HELZ: variants seen among roughly 807,000 people sequenced by gnomAD.
HELZ encodes the protein ATP-dependent RNA helicase with zinc finger domain.
HELZ carries 23 observed loss-of-function variants against 218.2 expected under a neutral mutation model. That is an observed-to-expected ratio of 0.11 (90% CI 0.08 to 0.15). The LOEUF is 0.15. HELZ is among the 10% of genes least tolerant of loss of function. The pLI, the probability that HELZ is intolerant of heterozygous loss-of-function variation, is 1.00. For synonymous variants in HELZ, 814 were observed against 829.4 expected (o/e 0.98, Z 0.32); for missense variants, 1,813 against 2,353.7 (o/e 0.77, Z 4.75).
intron 12 of HELZ, among the ~76,000 whole-genome samples, chr17:67,180,775 G>A (rs1322783176): frequency 6.6e-6 from 1 of 151,910 alleles, no homozygotes; most frequent in Non-Finnish European, 1.5e-5. Context: ...CTACTCGGGA[G>A]GCTGAGGCCG....
At chr17:67,138,495 G>A (rs2038220982) in intron 21 of HELZ, among the ~76,000 whole-genome samples, 1 of 152,140 alleles carries the variant, frequency 6.6e-6, no homozygotes, top group Non-Finnish European at 1.5e-5. Flanking sequence ...ACTCTCTCCA[G>A]ATCAGGCCAA....
At chr17:67,078,896 T>A (rs1325816809) in intron 32 of HELZ, among the ~76,000 whole-genome samples, 1 of 152,262 alleles carries the variant, frequency 6.6e-6, no homozygotes, top group African/African-American at 2.4e-5. Flanking sequence ...ATATTTATTC[T>A]AGTAACTGCT....
chr17:67,148,143 C>T (rs558189770), intron 20 of HELZ, among the ~76,000 whole-genome samples: 2 of 152,156 alleles, frequency 1.3e-5, no homozygotes, highest in Non-Finnish European at 2.9e-5. Flanking sequence ...TGCTGGGGGG[C>T]CGGGAGGGGG....
chr17:67,166,513 G>C lies in HELZ; in HGVS notation c.1860C>G (p.Ile620Met), dbSNP rs773316998. 2 of 1,613,242 alleles carry C rather than the reference G, an allele frequency of 1.2e-6. No individual in the cohort carries two copies. The highest frequency in any genetic ancestry group is 3.3e-4 in the Middle Eastern group (2 of 6,056). The change falls in exon 15 of 33, where the codon ATC (isoleucine) becomes ATG (methionine). Residue 620 changes from isoleucine to methionine, a missense_variant. Ile to Met is a conservative substitution (Grantham distance 10). This residue lies in a region of HELZ where 714 missense variants were observed against 1,029.2 expected (regional missense o/e 0.69). Coordinates refer to ENST00000358691, the MANE Select transcript of HELZ (RefSeq NM_014877.4). ...IKDNGVLFPDISMTPTIPWSP... is the reference protein window; with the variant it reads ...IKDNGVLFPDMSMTPTIPWSP... ...TCCATGGTATGGTGGGAGTCATACT[G>C]ATGTCTGGAAACAAAACCCCATTGT...
chr17:67,123,632 A>G (rs147571649), intron 25 of HELZ, among the ~76,000 whole-genome samples: 56 of 152,326 alleles, frequency 3.7e-4, no homozygotes, highest in African/African-American at 1.2e-3. Flanking sequence ...TTATGATCTG[A>G]TATTTGTAGG....
chr17:67,204,407 A>G (rs998571397), intron 5 of HELZ, among the ~76,000 whole-genome samples: 5 of 152,166 alleles, frequency 3.3e-5, no homozygotes, highest in African/African-American at 1.2e-4. Context: ...ATCAATGTTC[A>G]CAACATTTTT....
rs1318576438 is a variant in HELZ at position 67,123,033 on chromosome 17, C to G, written c.3567G>C (p.Gly1189=). The G allele has an allele frequency of 2.5e-6, 4 of 1,613,604 alleles. No homozygotes were observed. The Admixed American group carries it at 6.7e-5, about 27-fold the overall frequency. Residue 1189 remains glycine, a synonymous_variant, in exon 26 of 33, where the codon GGG becomes GGC. Transcript: ENST00000358691. ...CAGCAGGTACATAAAGAATACTTGTCCCAGTGTGAGGATCTATTCTTTGAA... is the reference window on the plus strand; with the variant it reads ...CAGCAGGTACATAAAGAATACTTGTGCCAGTGTGAGGATCTATTCTTTGAA... The part of the protein sequence containing the change: ...SPVQRIDPHT[G]TSILYVPAVY...
rs577830022 is a variant in HELZ, at chr17:67,174,462, G to T, written c.1430+4197C>A. 1.6e-4 allele frequency among the ~76,000 whole-genome samples: 25 copies of T among 152,272 alleles called. 1 individual carries two copies. In the South Asian group the frequency reaches 5.2e-3, roughly 32 times the overall value. On this transcript the variant is annotated intron_variant, in intron 13 of 32. Transcript: ENST00000358691. Reference sequence around the variant, plus strand: ...TGCAACCCTTACCATCAAAATGTAAGAAACTAGTATGAAGCCCCTTGATAC... The same window carrying T: ...TGCAACCCTTACCATCAAAATGTAATAAACTAGTATGAAGCCCCTTGATAC...
intron 28 of HELZ, among the ~76,000 whole-genome samples, chr17:67,111,325 A>G (rs1452136559): frequency 1.3e-5 from 2 of 152,202 alleles, no homozygotes; most frequent in Non-Finnish European, 2.9e-5. Context: ...GAAAAATAAA[A>G]TATAAGATGG....
In HELZ at chr17:67,203,276, A is replaced by G. The variant is rs377186050; in HGVS notation, c.372+43T>C. 82 of 1,596,374 alleles carry G rather than the reference A, an allele frequency of 5.1e-5. No homozygotes were observed. In the African/African-American group the frequency reaches 9.4e-4, roughly 18 times the overall value. ...ACAATATACCTAAGGAATCAAATAA[A>G]AATTTGTTTTCAGGCATACAAAATT... On this transcript the variant is annotated intron_variant, in intron 6 of 32. Transcript: ENST00000358691.
chr17:67,190,818 C>A lies in HELZ; in HGVS notation c.558-463G>T, dbSNP rs532018408. Among the ~76,000 whole-genome samples, 132 of 152,318 alleles carry A rather than the reference C, an allele frequency of 8.7e-4. 1 individual carries two copies. In the South Asian group the frequency reaches 0.014, roughly 16 times the overall value. ...CTCTGCCTCCTGGTTTCAAGCAATT[C>A]TCTGCCTCAGCCTCCCGGGTAGCTG... On this transcript the variant is annotated intron_variant, in intron 9 of 32. Coordinates refer to ENST00000358691, the MANE Select transcript of HELZ (RefSeq NM_014877.4).
In HELZ at chr17:67,149,910, G is replaced by T. The variant is rs1392909895; in HGVS notation, c.2432C>A (p.Ala811Glu). 1 of 1,611,124 alleles carries T rather than the reference G, an allele frequency of 6.2e-7. No homozygotes were observed. The highest frequency in any genetic ancestry group is 8.5e-7 in the Non-Finnish European group (1 of 1,178,472). Residue 811 changes from alanine to glutamate, a missense_variant, in exon 19 of 33, where the codon GCA becomes GAA. Physicochemically the swap from Ala to Glu is moderately radical, Grantham distance 107 (BLOSUM62 -1). Around this residue, in one of 4 missense-constraint regions of HELZ, gnomAD observed 714 missense variants for 1,029.2 expected, o/e 0.69. Coordinates refer to ENST00000358691, the MANE Select transcript of HELZ (RefSeq NM_014877.4). Reference protein sequence around the residue: ...ECETIMPLALATQNTRIVLAG... With the variant: ...ECETIMPLALETQNTRIVLAG... ...CAAGACAATCCGAGTGTTTTGAGTT[G>T]CTAATGCTAGAGGCATAATGGTTTC...
intron 7 of HELZ, among the ~76,000 whole-genome samples, chr17:67,198,156 T>G (rs73330314): frequency 0.081 from 12,269 of 152,222 alleles, 1,631 homozygotes; most frequent in African/African-American, 0.27. Flanking sequence ...CAAAATAAAT[T>G]TATCAAATGT....
At chr17:67,104,127 G>C (rs1027715905) in intron 31 of HELZ, among the ~76,000 whole-genome samples, 1 of 152,068 alleles carries the variant, frequency 6.6e-6, no homozygotes, top group Non-Finnish European at 1.5e-5. Context: ...AAGTGTAAGA[G>C]GTAAAACTAT....
intron 5 of HELZ, among the ~76,000 whole-genome samples, chr17:67,212,975 T>C (rs1248168576): frequency 6.6e-6 from 1 of 152,212 alleles, no homozygotes; most frequent in Non-Finnish European, 1.5e-5. Flanking sequence ...CGGTTAAACT[T>C]ATATTTTAGT....
Position 67,080,195 on chromosome 17 carries a change from G to A in HELZ, c.5495-1609C>T, listed in dbSNP as rs1196843905. Among the ~76,000 whole-genome samples, 5 of 152,048 alleles carry A rather than the reference G, an allele frequency of 3.3e-5. No homozygotes were observed. The East Asian group carries it at 9.6e-4, about 29-fold the overall frequency. ...CTGTTCATTTATTTTTCCCTTGAAT[G>A]GTTAATTAATCATTTATTGAATAAT... On this transcript the variant is annotated intron_variant, in intron 32 of 32. Transcript: ENST00000358691.
intron 32 of HELZ, among the ~76,000 whole-genome samples, chr17:67,082,847 GTTTTTTTT>G (rs1163724224): frequency 7.7e-6 from 1 of 129,882 alleles, no homozygotes; most frequent in African/African-American, 2.9e-5. Flanking sequence ...AGTTTTAACT[GTTTTTTTT>G]TTTTGTTTTT....
chr17:67,218,893 A>C (rs530388947), intron 3 of HELZ, 71 bp from the exon 4 acceptor site: 26 of 1,092,334 alleles, frequency 2.4e-5, no homozygotes, highest in Non-Finnish European at 3.5e-5. Flanking sequence ...CCCCATTCCT[A>C]TCTCAGCTGG....
intron 32 of HELZ, 109 bp downstream of exon 32, chr17:67,086,720 G>T: frequency 1.9e-6 from 2 of 1,064,114 alleles, no homozygotes; most frequent in Non-Finnish European, 1.4e-6. Context: ...ATTAAATATT[G>T]TTCAAAGATG....
Sources: gnomAD v4.1 joint callset for allele counts (sites outside exome capture counted in the v4.1 genomes callset) on GRCh38, gnomAD v4.1.1 for gene constraint, gnomAD v4.1.1 regional missense constraint, MANE v1.5 for transcripts, NCBI Gene and HGNC (gene_info 2026-07-23, HGNC 2026-07-21) for gene names.